Variants in CSMD3 observed in about 807,000 individuals in gnomAD.
CSMD3 encodes the protein CUB and Sushi multiple domains 3.
In CSMD3, 177 loss-of-function variants were observed where a neutral mutation model predicts 435.2. The ratio of observed to expected loss-of-function variants is 0.41; its 90% CI spans 0.36 to 0.46. The LOEUF is 0.46. Ranked by LOEUF, CSMD3 falls within the 20% of genes least tolerant of loss-of-function variation. The probability of loss-of-function intolerance (pLI) is 0.34; values close to 1 mark genes in which losing one functional copy is unlikely to be tolerated. For missense variants in CSMD3, 4,265 were observed against 4,504.6 expected (o/e 0.95, Z 1.52); for synonymous variants, 1,656 against 1,520.5 (o/e 1.09, Z -2.07).
chr8:112,883,696 T>C (rs2081511169), intron 10 of CSMD3, among the ~76,000 whole-genome samples: 1 of 151,934 alleles, frequency 6.6e-6, no homozygotes, highest in African/African-American at 2.4e-5. Context: ...TTACCCTTAG[T>C]ATACTGCTGT....
Position 112,234,414 on chromosome 8 carries a change from T to C in CSMD3, c.10691A>G (p.His3564Arg). ...TTCCTTCATTTTCTTCACAGAAGCA[T>C]GAGCAGGTACTTTAATAAGATATAT... ...LRIYLIKVPA[H>R]ASVKKMKEEN... The change falls in exon 68 of 71, where the codon CAT becomes CGT. Residue 3564 changes from histidine to arginine, a missense_variant. Transcript: ENST00000297405. 1 of 1,613,496 alleles carries C rather than the reference T, an allele frequency of 6.2e-7. No homozygotes were observed. Among genetic ancestry groups the C allele is most frequent in the Middle Eastern group, 1.7e-4 (1 of 6,056 alleles).
chr8:112,750,778 A>T (rs1173695163), intron 13 of CSMD3, among the ~76,000 whole-genome samples: 5 of 152,134 alleles, frequency 3.3e-5, no homozygotes, highest in Non-Finnish European at 7.4e-5. Flanking sequence ...ATACAAGTTT[A>T]TTAAAAAAAA....
intron 11 of CSMD3, among the ~76,000 whole-genome samples, chr8:112,856,826 G>C (rs2080673820): frequency 6.6e-6 from 1 of 151,766 alleles, no homozygotes. Flanking sequence ...GGTTAATTGG[G>C]ATGTATGCCA....
chr8:113,080,706 G>C (rs2089528047), intron 5 of CSMD3, among the ~76,000 whole-genome samples: 1 of 152,128 alleles, frequency 6.6e-6, no homozygotes, highest in Non-Finnish European at 1.5e-5. Flanking sequence ...TTTACAGAAG[G>C]CTTATTTCCC....
chr8:112,425,799 A>G (rs1813004315), intron 32 of CSMD3, among the ~76,000 whole-genome samples: 1 of 152,112 alleles, frequency 6.6e-6, no homozygotes, highest in South Asian at 2.1e-4. Context: ...CTATTATTAA[A>G]CTCTGTGTGT....
intron 13 of CSMD3, among the ~76,000 whole-genome samples, chr8:112,690,967 C>A (rs955799991): frequency 6.6e-6 from 1 of 151,906 alleles, no homozygotes; most frequent in Non-Finnish European, 1.5e-5. Context: ...CTAGTTCCTC[C>A]GTTATCCACT....
At chr8:113,299,991 CAA>C (rs200583396) in intron 2 of CSMD3, among the ~76,000 whole-genome samples, 2 of 142,498 alleles carry the variant, frequency 1.4e-5, no homozygotes, top group African/African-American at 2.6e-5. Context: ...GCCTCCATCT[CAA>C]AAAAAAAAAA....
At chr8:112,451,306 T>G (rs1411086117) in intron 32 of CSMD3, among the ~76,000 whole-genome samples, 1 of 151,968 alleles carries the variant, frequency 6.6e-6, no homozygotes, top group Non-Finnish European at 1.5e-5. Flanking sequence ...CATAAAAATA[T>G]TTAAAATAAG....
intron 13 of CSMD3, among the ~76,000 whole-genome samples, chr8:112,782,283 A>C (rs2078409343): frequency 6.6e-6 from 1 of 152,142 alleles, no homozygotes; most frequent in Admixed American, 6.6e-5. Context: ...GGAGCTGAAA[A>C]AGGCAATTGA....
At chr8:112,530,546 C>A (rs1017947639) in intron 27 of CSMD3, among the ~76,000 whole-genome samples, 1 of 152,102 alleles carries the variant, frequency 6.6e-6, no homozygotes, top group Non-Finnish European at 1.5e-5. Flanking sequence ...CATACACGGT[C>A]AAACTGTCTT....
chr8:113,333,908 T>G (rs12548951), intron 1 of CSMD3, among the ~76,000 whole-genome samples: 100,318 of 151,624 alleles, frequency 0.66, 34,152 homozygotes, highest in Admixed American at 0.76. Context: ...GAGCTCAGCA[T>G]GTCTCTCCAT....
At chr8:113,085,683 T>C (rs191761165) in intron 5 of CSMD3, among the ~76,000 whole-genome samples, 2 of 152,276 alleles carry the variant, frequency 1.3e-5, no homozygotes, top group Non-Finnish European at 2.9e-5. Context: ...CCATGGAAAG[T>C]TAAATACTAC....
rs571334520 is a variant in CSMD3, at chr8:112,814,797, T to A, written c.1860-14523A>T. On this transcript the variant is annotated intron_variant, in intron 12 of 70. Transcript: ENST00000297405. ...ACTCCATCTCAAAAAAAAAAAAAAATTTTTTTTTCATTATACCAAGGGAGC... is the reference window on the plus strand; with the variant it reads ...ACTCCATCTCAAAAAAAAAAAAAAAATTTTTTTTCATTATACCAAGGGAGC... Among the ~76,000 whole-genome samples, 1,325 of 149,034 alleles carry A rather than the reference T, an allele frequency of 8.9e-3. 14 individuals carry two copies. The highest frequency in any genetic ancestry group is 0.026 in the African/African-American group (1,037 of 40,160).
chr8:112,682,675 A>T, intron 15 of CSMD3, 39 bp from the exon 16 acceptor site: 1 of 1,316,002 alleles, frequency 7.6e-7, no homozygotes, highest in Non-Finnish European at 1.1e-6. Context: ...ACAAACAAAC[A>T]ACATTAGCCA....
intron 27 of CSMD3, among the ~76,000 whole-genome samples, chr8:112,545,790 G>C (rs780114354): frequency 6.6e-6 from 1 of 152,036 alleles, no homozygotes; most frequent in Non-Finnish European, 1.5e-5. Context: ...ACAAAGCGGG[G>C]ATCTAATAAA....
intron 4 of CSMD3, among the ~76,000 whole-genome samples, chr8:113,164,287 T>C (rs1003116799): frequency 5.3e-5 from 8 of 151,928 alleles, no homozygotes; most frequent in Admixed American, 3.9e-4. Flanking sequence ...ACTGCTTTTT[T>C]AGAGTTAGCT....
chr8:112,228,609 T>C, intron 70 of CSMD3, 147 bp downstream of exon 70: 2 of 773,264 alleles, frequency 2.6e-6, no homozygotes, highest in South Asian at 1.7e-5. Context: ...GGGAAATAAA[T>C]TTTTCAGTGT....
Position 112,224,991 on chromosome 8 carries a change from G to A in CSMD3, c.10965-61C>T, listed in dbSNP as rs191638366. 5.8e-5 allele frequency: 84 copies of A among 1,456,350 alleles called. No individual in the cohort carries two copies. The African/African-American group carries it at 9.4e-4, about 16-fold the overall frequency. The allele number at this position is 1,456,350 out of a possible 1,614,324, so 90.2% of individuals were successfully genotyped here. ...TTTCTTCCAGAAACAGCAGACTACA[G>A]CTCAAACATAATGTACATCGTTAGC... On this transcript the variant is annotated intron_variant, in intron 70 of 70. Transcript: ENST00000297405.
chr8:112,364,223 A>G (rs1375545603), intron 38 of CSMD3, among the ~76,000 whole-genome samples: 1 of 151,968 alleles, frequency 6.6e-6, no homozygotes, highest in African/African-American at 2.4e-5. Flanking sequence ...GACTAATTTT[A>G]TGCTTTTTAC....
Sources: allele counts gnomAD v4.1 joint callset (sites outside exome capture counted in the v4.1 genomes callset), GRCh38; gene constraint gnomAD v4.1.1; transcripts MANE v1.5; gene names NCBI Gene and HGNC (gene_info 2026-07-23, HGNC 2026-07-21).